Variants in AGAP3 observed in about 807,000 individuals in gnomAD.
AGAP3 encodes arf-GAP with GTPase, ANK repeat and PH domain-containing protein 3.
Under a neutral mutation model 96.9 loss-of-function variants are expected in AGAP3, and 24 were observed. The ratio of observed to expected loss-of-function variants is 0.25; its 90% CI spans 0.18 to 0.35. The LOEUF (loss-of-function observed/expected upper bound fraction) is 0.35. AGAP3 is among the 10% of genes least tolerant of loss of function. The pLI is 1.00. For missense variants in AGAP3, 876 were observed against 1,254.2 expected (o/e 0.70, Z 4.55); for synonymous variants, 563 against 536.1 (o/e 1.05, Z -0.69).
chr7:151,095,515 C>T (rs1485829233), intron 1 of AGAP3, among the ~76,000 whole-genome samples: 2 of 152,030 alleles, frequency 1.3e-5, no homozygotes, highest in African/African-American at 4.8e-5. Flanking sequence ...GGGATCAAAG[C>T]CTGTCACAGG....
intron 1 of AGAP3, among the ~76,000 whole-genome samples, chr7:151,093,573 G>A (rs1421151178): frequency 6.6e-6 from 1 of 152,240 alleles, no homozygotes; most frequent in African/African-American, 2.4e-5. Context: ...GGGAGGATCT[G>A]TGGTGAGCAG....
In AGAP3 at chr7:151,139,985, G is replaced by A; in HGVS notation, c.1673G>A (p.Gly558Asp). ...CCAACTCTCCCCTCACCAGCCAGTGGCCCAGCTGAGGTACTCAGTTCCAGC... is the reference window on the plus strand; with the variant it reads ...CCAACTCTCCCCTCACCAGCCAGTGACCCAGCTGAGGTACTCAGTTCCAGC... The part of the protein sequence containing the change: ...LPPGMQHPAS[G>D]PAEVLSSSPK... Residue 558 changes from glycine (G) to aspartate (D), a missense_variant, in exon 13 of 18, where the codon GGC becomes GAC. This residue lies in a region of AGAP3 where 155 missense variants were observed against 144.4 expected (regional missense o/e 1.07). Transcript: ENST00000397238. The surrounding 1 kb of genome is among the most constrained non-coding windows in gnomAD (Gnocchi z 4.9). 1 of 1,565,614 alleles carries A rather than the reference G, an allele frequency of 6.4e-7. No individual in the cohort carries two copies. The highest frequency in any genetic ancestry group is 1.2e-5 in the South Asian group (1 of 83,872).
Position 151,117,366 on chromosome 7 carries a change from C to T in AGAP3, c.479-5C>T, listed in dbSNP as rs1799644236. 11 of 1,614,144 alleles carry T rather than the reference C, an allele frequency of 6.8e-6. No individual in the cohort carries two copies. The highest frequency in any genetic ancestry group is 9.3e-6 in the Non-Finnish European group (11 of 1,179,994). ...CTTTGGACCTGACTGCGCGCTCTGTCCTAGGGGGGCGGTTTAAGAAGGAGA... is the reference window on the plus strand; with the variant it reads ...CTTTGGACCTGACTGCGCGCTCTGTTCTAGGGGGGCGGTTTAAGAAGGAGA... On this transcript the variant is annotated splice_polypyrimidine_tract_variant and splice_region_variant and intron_variant, in intron 3 of 17. Coordinates refer to ENST00000397238, the MANE Select transcript of AGAP3 (RefSeq NM_031946.7).
chr7:151,107,483 G>A (rs1799105012), intron 1 of AGAP3, among the ~76,000 whole-genome samples: 1 of 151,852 alleles, frequency 6.6e-6, no homozygotes, highest in Admixed American at 6.6e-5. Context: ...AAACCTAGCT[G>A]GGCGAGGTGG....
intron 11 of AGAP3, among the ~76,000 whole-genome samples, chr7:151,135,396 C>T (rs1265438973): frequency 2.0e-5 from 3 of 152,216 alleles, no homozygotes; most frequent in Non-Finnish European, 2.9e-5. Flanking sequence ...CTGGGTGAGT[C>T]ACCTCCCTAG....
chr7:151,118,045 G>T lies in AGAP3; in HGVS notation c.707-165G>T. ...GTGCTTGCTGGTTTGCACTCAGTGA[G>T]GCCATGGAAGGGTTGAAATGAGACC... On this transcript the variant is annotated intron_variant, in intron 5 of 17. Transcript: ENST00000397238. This position sits in a 1 kb window ranked among gnomAD's most constrained non-coding sequence, Gnocchi z 6.1. The T allele has an allele frequency of 1.0e-6, 1 of 985,146 alleles. No homozygotes were observed. The highest frequency in any genetic ancestry group is 1.7e-5 in the South Asian group (1 of 57,606). 61.0% of individuals were successfully genotyped at this position (985,146 alleles called of 1,614,324 possible). A position where few individuals can be genotyped will look rare whatever the true frequency, so the allele number is the denominator to read the frequency against.
chr7:151,097,756 C>T (rs1798668119), intron 1 of AGAP3, among the ~76,000 whole-genome samples: 1 of 152,092 alleles, frequency 6.6e-6, no homozygotes, highest in African/African-American at 2.4e-5. Context: ...GACCTGGCCC[C>T]ATGACCCAAA....
intron 1 of AGAP3, among the ~76,000 whole-genome samples, chr7:151,103,208 G>C (rs1489687379): frequency 6.6e-6 from 1 of 152,218 alleles, no homozygotes; most frequent in Non-Finnish European, 1.5e-5. Context: ...AGGAAACTGA[G>C]GTACACAGAT....
In AGAP3 at chr7:151,140,103, C is replaced by T; in HGVS notation, c.1791C>T (p.Ser597=). ...STGTPRPDGP[S]SATEEAEESF... ...GGACCCCCCGACCAGACGGCCCCAG[C>T]AGTGCTACTGAAGGTTAGGGGGACC... Residue 597 remains serine, a synonymous_variant, in exon 13 of 18, where the codon AGC becomes AGT. Transcript: ENST00000397238. This position sits in a 1 kb window ranked among gnomAD's most constrained non-coding sequence, Gnocchi z 5.4. 1.3e-6 allele frequency: 2 copies of T among 1,598,262 alleles called. No homozygotes were observed. Among genetic ancestry groups the T allele is most frequent in the African/African-American group, 1.3e-5 (1 of 74,354 alleles).
intron 1 of AGAP3, among the ~76,000 whole-genome samples, chr7:151,097,307 G>A (rs1798645280): frequency 6.6e-6 from 1 of 151,610 alleles, no homozygotes; most frequent in Non-Finnish European, 1.5e-5. Flanking sequence ...GAGGCAGGTG[G>A]ATCACCTGAG....
At position 151,096,995 on chromosome 7, in the gene AGAP3, G is replaced by A. The variant is rs1798630410; in HGVS notation, c.331+9923G>A. ...AGACGGGGTTTTACCATGTTGGCCA[G>A]GGTGGTCTCGAACTCCTGACCTCAG... On this transcript the variant is annotated intron_variant, in intron 1 of 17. Coordinates refer to ENST00000397238, the MANE Select transcript of AGAP3 (RefSeq NM_031946.7). The surrounding 1 kb of genome is among the most constrained non-coding windows in gnomAD (Gnocchi z 4.4). 1.3e-5 allele frequency among the ~76,000 whole-genome samples: 2 copies of A among 150,742 alleles called. No homozygotes were observed. Among genetic ancestry groups the A allele is most frequent in the South Asian group, 4.2e-4 (2 of 4,718 alleles).
intron 1 of AGAP3, among the ~76,000 whole-genome samples, chr7:151,091,955 T>C (rs1428978913): frequency 6.6e-6 from 1 of 152,066 alleles, no homozygotes; most frequent in Non-Finnish European, 1.5e-5. Context: ...ATAGTGTGGC[T>C]CTCGGAACGG....
chr7:151,108,136 G>A lies in AGAP3; in HGVS notation c.332-8657G>A, dbSNP rs1338216743. On this transcript the variant is annotated intron_variant, in intron 1 of 17. Transcript: ENST00000397238. This position sits in a 1 kb window ranked among gnomAD's most constrained non-coding sequence, Gnocchi z 4.2. ...CGTCACGGGCACTTCCAGGGTCTTA[G>A]AACATGGCCAGATGGGACAAAGCCA... is the stretch of plus-strand genomic sequence containing the variant. Among the ~76,000 whole-genome samples the A allele has an allele frequency of 6.6e-6, 1 of 152,218 alleles. No individual in the cohort carries two copies. Among genetic ancestry groups the A allele is most frequent in the Non-Finnish European group, 1.5e-5 (1 of 68,034 alleles).
intron 8 of AGAP3, chr7:151,123,452 C>T (rs1800013761): frequency 3.2e-5 from 37 of 1,153,196 alleles, no homozygotes; most frequent in Non-Finnish European, 3.9e-5. Flanking sequence ...TTGTCGCGCC[C>T]TGTGCTCCCG....
At chr7:151,101,060 CGCGTCAATCCTG>C (rs985535524) in intron 1 of AGAP3, among the ~76,000 whole-genome samples, 3 of 152,208 alleles carry the variant, frequency 2.0e-5, no homozygotes, top group Non-Finnish European at 4.4e-5. Flanking sequence ...CCCGCTGGCA[CGCGTCAATCCTG>C]GCGTCCGCAT....
At position 151,143,929 on chromosome 7, in the gene AGAP3, C is replaced by CCT. The variant is rs1204072831; in HGVS notation, c.2723_2724dup (p.Ser909LeufsTer41). ...CCCCTCTGCTGAGCTGCACCGTAGTCCTAGCCTCCTATAAGGCCCAGGAAG... is the reference window on the plus strand; with the variant it reads ...CCCCTCTGCTGAGCTGCACCGTAGTCCTCTAGCCTCCTATAAGGCCCAGGAAG... On this transcript the variant is annotated frameshift_variant, in exon 18 of 18. Transcript: ENST00000397238. LOFTEE classifies it high-confidence loss of function. The surrounding 1 kb of genome is among the most constrained non-coding windows in gnomAD (Gnocchi z 5.9). The CCT allele has an allele frequency of 2.5e-6, 4 of 1,613,976 alleles. No individual in the cohort carries two copies. Among genetic ancestry groups the CCT allele is most frequent in the Non-Finnish European group, 2.5e-6 (3 of 1,179,962 alleles).
rs540694935 is a variant in AGAP3 at position 151,096,111 on chromosome 7, C to G, written c.331+9039C>G. Among the ~76,000 whole-genome samples the G allele has an allele frequency of 6.6e-6, 1 of 152,214 alleles. No individual in the cohort carries two copies. On this transcript the variant is annotated intron_variant, in intron 1 of 17. Coordinates refer to ENST00000397238, the MANE Select transcript of AGAP3 (RefSeq NM_031946.7). This position sits in a 1 kb window ranked among gnomAD's most constrained non-coding sequence, Gnocchi z 4.4. ...AGCAAATCAGTTAACGTCTGCAGAG[C>G]TTTTAGAGCAGCAGCTGCCCTGAGG... is the stretch of plus-strand genomic sequence containing the variant.
chr7:151,117,996 T>G, intron 5 of AGAP3: 1 of 873,058 alleles, frequency 1.1e-6, no homozygotes, highest in South Asian at 1.9e-5. Context: ...TTTTTTTAGA[T>G]GAATAAACGT....
chr7:151,135,722 G>C (rs1800566817), intron 11 of AGAP3, among the ~76,000 whole-genome samples: 1 of 152,234 alleles, frequency 6.6e-6, no homozygotes, highest in African/African-American at 2.4e-5. Context: ...ACACAACTGA[G>C]ATGTACCCTA....
Sources: gnomAD v4.1 joint callset for allele counts (sites outside exome capture counted in the v4.1 genomes callset) on GRCh38, gnomAD v4.1.1 for gene constraint, gnomAD v4.1.1 regional missense constraint, Gnocchi (gnomAD v3.1) non-coding constraint, MANE v1.5 for transcripts, NCBI Gene and HGNC (gene_info 2026-07-23, HGNC 2026-07-21) for gene names.